Variants in PSMD3 observed in about 807,000 individuals in gnomAD.
PSMD3 encodes proteasome 26S subunit, non-ATPase 3.
In PSMD3, 5 loss-of-function variants were observed where a neutral mutation model predicts 62.8. That is an observed-to-expected ratio of 0.08 (90% confidence interval 0.04 to 0.17). The LOEUF (loss-of-function observed/expected upper bound fraction) is 0.17. Among genes scored for constraint, PSMD3 ranks in the 10% least tolerant of loss-of-function variants. PSMD3 has a pLI of 1.00. For synonymous variants in PSMD3, 265 were observed against 283.9 expected (o/e 0.93, Z 0.67); for missense variants, 524 against 713.6 (o/e 0.73, Z 3.03).
At chr17:39,984,092 CG>C (rs1568135864) in intron 1 of PSMD3, among the ~76,000 whole-genome samples, 1 of 150,750 alleles carries the variant, frequency 6.6e-6, no homozygotes, top group Non-Finnish European at 1.5e-5. Context: ...CCCAGCTACT[CG>C]GGAGGCTGAG....
At chr17:39,994,566 G>A in intron 6 of PSMD3, 1 of 257,086 alleles carries the variant, frequency 3.9e-6, no homozygotes, top group South Asian at 5.0e-5. Context: ...TCCCTAATGA[G>A]CATCTCTGGC....
chr17:39,995,666 G>A lies in PSMD3; in HGVS notation c.1320+139G>A. 1.2e-6 allele frequency: 1 copy of A among 826,096 alleles called. No homozygotes were observed. Among genetic ancestry groups the A allele is most frequent in the Non-Finnish European group, 2.0e-6 (1 of 508,386 alleles). 51.2% of individuals were successfully genotyped at this position (826,096 alleles called of 1,614,324 possible). ...TCATTTCAGGGCGTGCCCGTCATTT[G>A]CAGTGAAGCCAAGAAGTTGCCAGAG... On this transcript the variant is annotated intron_variant, in intron 9 of 11. Transcript: ENST00000264639. This position sits in a 1 kb window ranked among gnomAD's most constrained non-coding sequence, Gnocchi z 4.1.
Position 39,989,174 on chromosome 17 carries a change from A to C in PSMD3, c.686+355A>C, listed in dbSNP as rs1055834572. On this transcript the variant is annotated intron_variant, in intron 4 of 11. Transcript: ENST00000264639. ...CTCAAGGAAAGACAAAGTCCTTACA[A>C]TACCTCATAAGGCCTGACGTGATCT... 3.3e-5 allele frequency among the ~76,000 whole-genome samples: 5 copies of C among 152,182 alleles called. No homozygotes were observed. The East Asian group carries it at 9.6e-4, about 29-fold the overall frequency.
chr17:39,983,328 C>T (rs999041186), intron 1 of PSMD3, among the ~76,000 whole-genome samples: 3 of 152,024 alleles, frequency 2.0e-5, no homozygotes, highest in African/African-American at 4.8e-5. Flanking sequence ...CACTGTGCCC[C>T]ACCTATAATT....
intron 6 of PSMD3, chr17:39,993,139 C>T (rs1048887556): frequency 8.5e-5 from 13 of 152,172 alleles, no homozygotes; most frequent in African/African-American, 3.1e-4. Flanking sequence ...GGGCCTCTCT[C>T]GTCTGCTTGT....
chr17:39,997,249 G>A, intron 10 of PSMD3, 81 bp from the exon 11 acceptor site: 1 of 1,377,052 alleles, frequency 7.3e-7, no homozygotes, highest in Non-Finnish European at 1.0e-6. Flanking sequence ...AGCTCACAGA[G>A]GGGACGCAGG....
intron 1 of PSMD3, 51 bp from the exon 2 acceptor site, chr17:39,984,243 T>TGG (rs778903161): frequency 9.2e-7 from 1 of 1,087,710 alleles, no homozygotes; most frequent in Admixed American, 2.4e-5. Flanking sequence ...CCTGGAGTGG[T>TGG]GGGGGACTAG....
chr17:39,985,496 T>C (rs911244463), intron 2 of PSMD3, among the ~76,000 whole-genome samples: 5 of 152,246 alleles, frequency 3.3e-5, no homozygotes, highest in Admixed American at 6.5e-5. Flanking sequence ...TTATCCTCTG[T>C]AGCTGTAAAC....
At chr17:39,983,895 G>C (rs1334001946) in intron 1 of PSMD3, among the ~76,000 whole-genome samples, 1 of 152,168 alleles carries the variant, frequency 6.6e-6, no homozygotes, top group Non-Finnish European at 1.5e-5. Context: ...CCCTCTGTGA[G>C]AGGCTCCTTA....
chr17:39,982,326 TA>T (rs1324810315), intron 1 of PSMD3, among the ~76,000 whole-genome samples: 1 of 152,240 alleles, frequency 6.6e-6, no homozygotes, highest in Non-Finnish European at 1.5e-5. Context: ...AAGTAATTCA[TA>T]TTCATTGCAG....
rs1040616586 is a variant in PSMD3, at chr17:39,980,838, C to T, written c.-133C>T. On this transcript the variant is annotated 5_prime_UTR_variant, in exon 1 of 12. Coordinates refer to ENST00000264639, the MANE Select transcript of PSMD3 (RefSeq NM_002809.4). ...CCCAGCGCCGGGAAGGGGTTTGCAG[C>T]TGCTCCGTCATCGTGCGGCCCGACG... The T allele has an allele frequency of 6.0e-6, 5 of 826,700 alleles. No individual in the cohort carries two copies. Among genetic ancestry groups the T allele is most frequent in the Non-Finnish European group, 7.1e-6 (4 of 559,880 alleles). 51.2% of individuals were successfully genotyped at this position (826,700 alleles called of 1,614,324 possible).
rs919187422 is a variant in PSMD3 at position 39,980,876 on chromosome 17, C to G, written c.-95C>G. The stretch of plus-strand genomic sequence containing the variant: ...GTGCGGCCCGACGCTATCTCGCGCT[C>G]GTGTGCAGGCCCGGCTCGGCTCCTG... On this transcript the variant is annotated 5_prime_UTR_variant, in exon 1 of 12. Transcript: ENST00000264639. 3.5e-6 allele frequency: 4 copies of G among 1,126,980 alleles called. No individual in the cohort carries two copies. The East Asian group carries it at 8.4e-5, about 24-fold the overall frequency. The allele number at this position is 1,126,980 out of a possible 1,614,324, so 69.8% of individuals were successfully genotyped here.
chr17:39,986,422 G>A (rs970898502), intron 2 of PSMD3, among the ~76,000 whole-genome samples, 153 bp from the exon 3 acceptor site: 18 of 152,180 alleles, frequency 1.2e-4, no homozygotes, highest in African/African-American at 3.9e-4. Flanking sequence ...GGGAAAGACT[G>A]TAATCTTTAT....
intron 1 of PSMD3, 40 bp from the exon 2 acceptor site, chr17:39,984,254 G>C: frequency 6.9e-7 from 1 of 1,455,974 alleles, no homozygotes; most frequent in South Asian, 1.2e-5. Flanking sequence ...GGGGGACTAG[G>C]AGTGAAAGTG....
At position 39,997,384 on chromosome 17, in the gene PSMD3, A is replaced by G. The variant is rs1980809820; in HGVS notation, c.1527+4A>G. 6.2e-7 allele frequency: 1 copy of G among 1,614,106 alleles called. No individual in the cohort carries two copies. The highest frequency in any genetic ancestry group is 8.5e-7 in the Non-Finnish European group (1 of 1,179,970). On this transcript the variant is annotated splice_donor_region_variant and intron_variant, in intron 11 of 11. Transcript: ENST00000264639. ...CAAGGACTTGGAGTCTGCAGAGGTA[A>G]GCTCTCTGCTTTCTGGGTGAGACCG...
rs753732406 is a variant in PSMD3 at position 39,995,018 on chromosome 17, G to A, written c.1046G>A (p.Arg349His). 11 of 1,614,046 alleles carry A rather than the reference G, an allele frequency of 6.8e-6. No homozygotes were observed. Among genetic ancestry groups the A allele is most frequent in the East Asian group, 2.2e-5 (1 of 44,882 alleles). Residue 349 changes from arginine (R) to histidine (H), a missense_variant, in exon 7 of 12, where the codon CGC becomes CAC. Transcript: ENST00000264639. This position sits in a 1 kb window ranked among gnomAD's most constrained non-coding sequence, Gnocchi z 4.1. ...GAGATCCCTGACCGGCTGCAGTTCC[G>A]CCAGCCCTCCCTCAAGCGCTCACTC... ...LGEIPDRLQF[R>H]QPSLKRSLMP...
At chr17:39,994,925 C>T (rs1568139179) in intron 6 of PSMD3, 29 bp from the exon 7 acceptor site, 3 of 1,596,818 alleles carry the variant, frequency 1.9e-6, no homozygotes, top group South Asian at 1.1e-5. Flanking sequence ...GGCTCCCTGC[C>T]CACTGTGTTC....
chr17:39,997,461 T>TGA (rs10671123), intron 11 of PSMD3, 43 bp from the exon 12 acceptor site: 1,479,025 of 1,613,050 alleles, frequency 0.92, 679,190 homozygotes, highest in Middle Eastern at 0.95. Flanking sequence ...CTGGAAGGGC[T>TGA]GAGCTGCTCT....
chr17:39,988,926 G>T, intron 4 of PSMD3, 107 bp downstream of exon 4: 3 of 1,439,818 alleles, frequency 2.1e-6, no homozygotes, highest in Non-Finnish European at 2.9e-6. Flanking sequence ...GTAGATGTAA[G>T]CAGGGAAGAG....
Sources: allele counts gnomAD v4.1 joint callset (sites outside exome capture counted in the v4.1 genomes callset), GRCh38; gene constraint gnomAD v4.1.1; non-coding constraint Gnocchi (gnomAD v3.1); transcripts MANE v1.5; gene names NCBI Gene and HGNC (gene_info 2026-07-23, HGNC 2026-07-21).